The following ODAD2 variants were observed in gnomAD, a reference collection of about 807,000 sequenced individuals.
ODAD2 encodes outer dynein arm docking complex subunit 2, also known as outer dynein arm-docking complex subunit 2.
A neutral mutation model predicts 106.8 loss-of-function variants in ODAD2; 89 were observed. The observed-to-expected ratio is 0.83, with a 90% CI of 0.70 to 0.99. The LOEUF (loss-of-function observed/expected upper bound fraction) is 0.99, where lower values mean the gene tolerates loss of function less well. Among genes scored for constraint, ODAD2 ranks in the 50% least tolerant of loss-of-function variants. The pLI, the probability that ODAD2 is intolerant of heterozygous loss-of-function variation, is 0.00. For synonymous variants in ODAD2, 404 were observed against 436.2 expected (o/e 0.93, Z 0.92); for missense variants, 1,168 against 1,238.5 (o/e 0.94, Z 0.85).
chr10:27,888,923 T>G (rs1050874393), intron 17 of ODAD2, among the ~76,000 whole-genome samples: 2 of 152,158 alleles, frequency 1.3e-5, no homozygotes, highest in Non-Finnish European at 2.9e-5. Context: ...CAAAATGGAT[T>G]AAAGACCTAA....
chr10:27,910,027 T>C, intron 16 of ODAD2, among the ~76,000 whole-genome samples: 1 of 152,144 alleles, frequency 6.6e-6, no homozygotes, highest in Non-Finnish European at 1.5e-5. Context: ...CTCAAGTATC[T>C]GCCCATTTCC....
intron 16 of ODAD2, among the ~76,000 whole-genome samples, chr10:27,930,894 T>G (rs1373613091): frequency 6.6e-6 from 1 of 152,190 alleles, no homozygotes; most frequent in Non-Finnish European, 1.5e-5. Flanking sequence ...AGTTTATAGT[T>G]TCTTTTTGTG....
At chr10:27,939,394 CTGTCTATGA>C (rs140322529) in intron 14 of ODAD2, among the ~76,000 whole-genome samples, 9,297 of 152,210 alleles carry the variant, frequency 0.061, 367 homozygotes, top group East Asian at 0.18. Flanking sequence ...GTTCTTAGAC[CTGTCTATGA>C]AAATCCAATG....
At chr10:27,935,841 CATAT>C (rs768182225) in intron 15 of ODAD2, among the ~76,000 whole-genome samples, 1 of 150,480 alleles carries the variant, frequency 6.6e-6, no homozygotes. Context: ...CATATGTATG[CATAT>C]ATATATATAC....
chr10:27,826,429 A>G (rs1407297828), intron 19 of ODAD2, among the ~76,000 whole-genome samples: 1 of 152,110 alleles, frequency 6.6e-6, no homozygotes, highest in Non-Finnish European at 1.5e-5. Context: ...TCTCCACAGC[A>G]GCTATTTAAA....
chr10:27,904,533 T>G (rs150441402), intron 17 of ODAD2, among the ~76,000 whole-genome samples: 67 of 152,358 alleles, frequency 4.4e-4, no homozygotes, highest in African/African-American at 1.5e-3. Flanking sequence ...CTCTGAGATT[T>G]GACTTGCCAC....
At chr10:27,916,248 T>A (rs570328881) in intron 16 of ODAD2, among the ~76,000 whole-genome samples, 13 of 151,932 alleles carry the variant, frequency 8.6e-5, no homozygotes, top group Non-Finnish European at 1.5e-4. Flanking sequence ...TAGGGGAAGG[T>A]GGCCTAACAT....
chr10:27,843,596 C>A (rs1260206405), intron 19 of ODAD2, among the ~76,000 whole-genome samples: 1 of 151,938 alleles, frequency 6.6e-6, no homozygotes, highest in Non-Finnish European at 1.5e-5. Flanking sequence ...TGAAACACCA[C>A]CTATACTAAA....
chr10:27,844,484 A>G (rs1022204656), intron 19 of ODAD2, among the ~76,000 whole-genome samples: 12 of 152,226 alleles, frequency 7.9e-5, no homozygotes, highest in Non-Finnish European at 1.8e-4. Context: ...CCACACATAT[A>G]TGTGCATCTG....
At chr10:27,818,950 C>T (rs1836371844) in intron 19 of ODAD2, among the ~76,000 whole-genome samples, 2 of 152,192 alleles carry the variant, frequency 1.3e-5, no homozygotes, top group African/African-American at 4.8e-5. Context: ...CTGACTCTCC[C>T]AGTCACTGGG....
intron 7 of ODAD2, among the ~76,000 whole-genome samples, chr10:27,979,619 A>G (rs1849419722): frequency 1.3e-5 from 2 of 152,198 alleles, no homozygotes; most frequent in South Asian, 2.1e-4. Context: ...TTTCATTTAC[A>G]GTAGCATCAA....
At chr10:27,855,633 AGTATTTTTTT>A (rs1181102586) in intron 19 of ODAD2, among the ~76,000 whole-genome samples, 1 of 152,192 alleles carries the variant, frequency 6.6e-6, no homozygotes, top group East Asian at 1.9e-4. Flanking sequence ...AAACATTAAC[AGTATTTTTTT>A]GTCCCTGTGC....
intron 19 of ODAD2, among the ~76,000 whole-genome samples, chr10:27,817,002 G>A (rs927544065): frequency 6.6e-6 from 1 of 152,022 alleles, no homozygotes; most frequent in African/African-American, 2.4e-5. Flanking sequence ...CACCCGTCTC[G>A]GCCTCCAAAA....
chr10:27,983,764 T>G, intron 6 of ODAD2, 79 bp downstream of exon 6: 1 of 1,359,062 alleles, frequency 7.4e-7, no homozygotes, highest in East Asian at 2.3e-5. Flanking sequence ...TCTGTGGTCA[T>G]TGGGACACAC....
intron 6 of ODAD2, 144 bp downstream of exon 6, chr10:27,983,699 C>A (rs1332764468): frequency 3.8e-6 from 3 of 789,658 alleles, no homozygotes; most frequent in Non-Finnish European, 5.8e-6. Context: ...TGGATTTGCC[C>A]AGCAAGCATA....
intron 18 of ODAD2, among the ~76,000 whole-genome samples, chr10:27,862,194 A>G (rs1429129011): frequency 6.6e-6 from 1 of 152,210 alleles, no homozygotes; most frequent in Non-Finnish European, 1.5e-5. Context: ...TGCCAGTGGC[A>G]AATAAAAAAC....
At chr10:27,947,047 G>A (rs77728719) in intron 10 of ODAD2, among the ~76,000 whole-genome samples, 2,213 of 152,208 alleles carry the variant, frequency 0.015, 22 homozygotes, top group Non-Finnish European at 0.023. Context: ...AATGACAAGA[G>A]CCTTAATTTT....
At chr10:27,942,299 A>G (rs1846515489) in intron 12 of ODAD2, among the ~76,000 whole-genome samples, 1 of 152,128 alleles carries the variant, frequency 6.6e-6, no homozygotes, top group African/African-American at 2.4e-5. Flanking sequence ...TGTTTTGATG[A>G]ATCTTTCTTA....
chr10:27,932,219 A>G (rs1357222047), intron 16 of ODAD2, among the ~76,000 whole-genome samples: 1 of 152,136 alleles, frequency 6.6e-6, no homozygotes, highest in Non-Finnish European at 1.5e-5. Flanking sequence ...TACAGATGTA[A>G]GCCACCACGT....
Sources: gnomAD v4.1 joint callset for allele counts (sites outside exome capture counted in the v4.1 genomes callset) on GRCh38, gnomAD v4.1.1 for gene constraint, MANE v1.5 for transcripts, NCBI Gene and HGNC (gene_info 2026-07-23, HGNC 2026-07-21) for gene names.